Variants in INPP4A observed in about 807,000 individuals in gnomAD.
INPP4A encodes inositol polyphosphate-4-phosphatase type I A.
INPP4A carries 33 observed loss-of-function variants against 119.8 expected under a neutral mutation model. The observed-to-expected ratio is 0.28, with a 90% confidence interval of 0.21 to 0.37. The LOEUF (loss-of-function observed/expected upper bound fraction) is 0.37. Ranked by LOEUF, INPP4A falls within the 10% of genes least tolerant of loss-of-function variation. INPP4A has a pLI of 1.00. For synonymous variants in INPP4A, 496 were observed against 500.7 expected (o/e 0.99, Z 0.12); for missense variants, 956 against 1,289.9 (o/e 0.74, Z 3.97).
At chr2:98,488,978 T>TGTGTGTGTAA (rs1680135937) in intron 1 of INPP4A, among the ~76,000 whole-genome samples, 2 of 150,576 alleles carry the variant, frequency 1.3e-5, no homozygotes, top group Non-Finnish European at 3.0e-5. Context: ...TGTGTGTGTG[T>TGTGTGTGTAA]GTGTGTAAAT....
intron 2 of INPP4A, chr2:98,519,392 A>C (rs1283271069): frequency 6.6e-6 from 1 of 152,312 alleles, no homozygotes; most frequent in Non-Finnish European, 1.5e-5. Flanking sequence ...CACTTCGCTT[A>C]GGCCCAGATT....
At chr2:98,536,817 C>A (rs546029767) in intron 7 of INPP4A, among the ~76,000 whole-genome samples, 1 of 152,212 alleles carries the variant, frequency 6.6e-6, no homozygotes, top group South Asian at 2.1e-4. Context: ...CAATTAAGTC[C>A]CTGCAGTATT....
At position 98,589,813 on chromosome 2, in the gene INPP4A, G is replaced by A. The variant is rs866246667; in HGVS notation, c.*2205G>A. 6.9e-5 allele frequency: 13 copies of A among 187,870 alleles called. No homozygotes were observed. Among genetic ancestry groups the A allele is most frequent in the African/African-American group, 2.8e-4 (12 of 42,848 alleles). 11.6% of individuals were successfully genotyped at this position (187,870 alleles called of 1,614,324 possible). On this transcript the variant is annotated 3_prime_UTR_variant, in exon 25 of 25. Coordinates refer to ENST00000409851, the MANE Select transcript of INPP4A (RefSeq NM_001134225.2). ...CAGGTTACCGTAAAACAGAGGTTCC[G>A]TCCAGTGTTCCTTATGATGCCTCCC...
intron 1 of INPP4A, among the ~76,000 whole-genome samples, chr2:98,514,950 A>G (rs1685825287): frequency 1.3e-5 from 2 of 151,990 alleles, no homozygotes; most frequent in African/African-American, 4.8e-5. Context: ...CAAAACCCCA[A>G]AACTCCAAAG....
At chr2:98,480,896 G>T (rs1171470993) in intron 1 of INPP4A, among the ~76,000 whole-genome samples, 1 of 152,218 alleles carries the variant, frequency 6.6e-6, no homozygotes, top group Non-Finnish European at 1.5e-5. Flanking sequence ...GGGGGGCAGG[G>T]TGCCGCACAC....
chr2:98,566,999 T>A lies in INPP4A; in HGVS notation c.2420+830T>A, dbSNP rs1696582424. 6.6e-6 allele frequency among the ~76,000 whole-genome samples: 1 copy of A among 152,216 alleles called. No homozygotes were observed. The highest frequency in any genetic ancestry group is 2.4e-5 in the African/African-American group (1 of 41,448). ...TGATGTCCAACCCCAGTGGTTGATG[T>A]CCATTGACGCCTAGGTGTAGGGTCA... On this transcript the variant is annotated intron_variant, in intron 21 of 24. Transcript: ENST00000409851. This position sits in a 1 kb window ranked among gnomAD's most constrained non-coding sequence, Gnocchi z 4.2.
rs964055813 is a variant in INPP4A at position 98,546,432 on chromosome 2, C to T, written c.1055-154C>T. On this transcript the variant is annotated intron_variant, in intron 12 of 24. Coordinates refer to ENST00000409851, the MANE Select transcript of INPP4A (RefSeq NM_001134225.2). The surrounding 1 kb of genome is among the most constrained non-coding windows in gnomAD (Gnocchi z 4.2). ...GTGATGGCACTGGGCTCCAGCAGACCCTTGGGCAGCCAGGGCTGTGGGATC... is the reference window on the plus strand; with the variant it reads ...GTGATGGCACTGGGCTCCAGCAGACTCTTGGGCAGCCAGGGCTGTGGGATC... Among the ~76,000 whole-genome samples, 2 of 152,198 alleles carry T rather than the reference C, an allele frequency of 1.3e-5. No individual in the cohort carries two copies. Among genetic ancestry groups the T allele is most frequent in the Non-Finnish European group, 2.9e-5 (2 of 68,030 alleles).
chr2:98,507,094 G>T (rs770688353), intron 1 of INPP4A, among the ~76,000 whole-genome samples: 1 of 152,222 alleles, frequency 6.6e-6, no homozygotes, highest in African/African-American at 2.4e-5. Flanking sequence ...GGCCACTGCT[G>T]TTTTGACCAA....
chr2:98,566,607 G>A lies in INPP4A; in HGVS notation c.2420+438G>A, dbSNP rs1696493244. ...GCCTGGCGAGGAGAAACAGCATGGA[G>A]TTCAGGGGCACCAGGTTCCAGGCAG... is the stretch of plus-strand genomic sequence containing the variant. On this transcript the variant is annotated intron_variant, in intron 21 of 24. Transcript: ENST00000409851. This position sits in a 1 kb window ranked among gnomAD's most constrained non-coding sequence, Gnocchi z 4.2. Among the ~76,000 whole-genome samples, 1 of 152,180 alleles carries A rather than the reference G, an allele frequency of 6.6e-6. No individual in the cohort carries two copies. Among genetic ancestry groups the A allele is most frequent in the African/African-American group, 2.4e-5 (1 of 41,432 alleles).
chr2:98,536,063 C>T (rs1030389266), intron 6 of INPP4A, 66 bp from the exon 7 acceptor site: 3 of 1,001,274 alleles, frequency 3.0e-6, no homozygotes, highest in Non-Finnish European at 4.7e-6. Flanking sequence ...CTCTCTGGGG[C>T]CATGGTAATT....
chr2:98,498,816 C>T (rs775912233), intron 1 of INPP4A, among the ~76,000 whole-genome samples: 1 of 152,184 alleles, frequency 6.6e-6, no homozygotes, highest in African/African-American at 2.4e-5. Context: ...AAAGAGATGA[C>T]AGAGAAAAGG....
In INPP4A at chr2:98,445,069, G is replaced by C. The variant is rs1026276694; in HGVS notation, c.-182G>C. The C allele has an allele frequency of 1.9e-4, 29 of 149,130 alleles. No individual in the cohort carries two copies. Among genetic ancestry groups the C allele is most frequent in the African/African-American group, 6.3e-4 (26 of 41,146 alleles). 9.2% of individuals were successfully genotyped at this position (149,130 alleles called of 1,614,324 possible). A position where few individuals can be genotyped will look rare whatever the true frequency, so the allele number is the denominator to read the frequency against. ...GGGACAGCGGGGCGGCTGGCGCCGG[G>C]GGCCGGGGAGCGCCAGGTAGGTGGG... On this transcript the variant is annotated 5_prime_UTR_variant, in exon 1 of 25. Transcript: ENST00000409851.
chr2:98,497,073 C>T lies in INPP4A; in HGVS notation c.-165-21891C>T, dbSNP rs529504568. ...TTCTCTGCTTCACTGTTGATATGGA[C>T]TTGGTGCCCTGTGTCCCAGCCGCTC... On this transcript the variant is annotated intron_variant, in intron 1 of 24. Transcript: ENST00000409851. 2.0e-5 allele frequency among the ~76,000 whole-genome samples: 3 copies of T among 152,290 alleles called. No individual in the cohort carries two copies. In the South Asian group the frequency reaches 6.2e-4, roughly 32 times the overall value.
intron 1 of INPP4A, among the ~76,000 whole-genome samples, chr2:98,488,874 C>T (rs932703322): frequency 6.6e-6 from 1 of 151,042 alleles, no homozygotes; most frequent in African/African-American, 2.4e-5. Flanking sequence ...GCACAGAGGA[C>T]TGAATGGAAG....
chr2:98,550,124 G>A (rs1693235374), intron 13 of INPP4A, among the ~76,000 whole-genome samples: 1 of 151,992 alleles, frequency 6.6e-6, no homozygotes, highest in African/African-American at 2.4e-5. Context: ...CCTTGTTCCT[G>A]GGGAACTTTC....
intron 6 of INPP4A, 114 bp downstream of exon 6, chr2:98,535,959 A>C: frequency 1.4e-6 from 1 of 708,474 alleles, no homozygotes; most frequent in Admixed American, 2.3e-5. Context: ...AAGTTAACTC[A>C]TGTCTAAATG....
chr2:98,560,345 T>C (rs1173647714), intron 17 of INPP4A, among the ~76,000 whole-genome samples: 3 of 152,204 alleles, frequency 2.0e-5, no homozygotes, highest in Non-Finnish European at 2.9e-5. Flanking sequence ...AGTCCATGAC[T>C]GTGGGATTTA....
chr2:98,537,727 T>G (rs1490431116), intron 7 of INPP4A, 136 bp from the exon 8 acceptor site: 12 of 658,856 alleles, frequency 1.8e-5, no homozygotes, highest in Non-Finnish European at 3.4e-5. Context: ...GCACAGTGAA[T>G]GCTGACTGAC....
intron 4 of INPP4A, among the ~76,000 whole-genome samples, chr2:98,527,013 A>G (rs780751298): frequency 6.6e-6 from 1 of 152,192 alleles, no homozygotes; most frequent in Non-Finnish European, 1.5e-5. Context: ...CCTACCTCCA[A>G]TACTGGGGAT....
Sources: allele counts gnomAD v4.1 joint callset (sites outside exome capture counted in the v4.1 genomes callset), GRCh38; gene constraint gnomAD v4.1.1; non-coding constraint Gnocchi (gnomAD v3.1); transcripts MANE v1.5; gene names NCBI Gene and HGNC (gene_info 2026-07-23, HGNC 2026-07-21).